RBM20: variants seen among roughly 807,000 people sequenced by gnomAD.
The protein encoded by RBM20 is RNA-binding protein 20.
RBM20 carries 51 observed loss-of-function variants against 110.1 expected under a neutral mutation model. The observed-to-expected ratio is 0.46, with a 90% CI of 0.37 to 0.59. The LOEUF is 0.59. Ranked by LOEUF, RBM20 falls within the 20% of genes least tolerant of loss-of-function variation. The pLI is 0.00. For synonymous variants in RBM20, 589 were observed against 618.2 expected (o/e 0.95, Z 0.70); for missense variants, 1,512 against 1,574.9 (o/e 0.96, Z 0.68).
At chr10:110,686,505 G>T (rs1395588724) in intron 1 of RBM20, among the ~76,000 whole-genome samples, 1 of 152,072 alleles carries the variant, frequency 6.6e-6, no homozygotes, top group Non-Finnish European at 1.5e-5. Context: ...CACGCCTGTA[G>T]TCCCAGCTAC....
At chr10:110,680,110 G>A (rs997904700) in intron 1 of RBM20, among the ~76,000 whole-genome samples, 4 of 152,144 alleles carry the variant, frequency 2.6e-5, no homozygotes, top group Non-Finnish European at 5.9e-5. Flanking sequence ...TGGCATTAGA[G>A]CCGGGAGCCG....
At chr10:110,697,331 A>C (rs776893608) in intron 1 of RBM20, among the ~76,000 whole-genome samples, 11 of 152,276 alleles carry the variant, frequency 7.2e-5, no homozygotes, top group Non-Finnish European at 1.5e-4. Flanking sequence ...CACTTTTGTT[A>C]CTTGCCTGGC....
chr10:110,769,477 ATCTATG>A (rs1590666785), intron 1 of RBM20, among the ~76,000 whole-genome samples: 1 of 152,150 alleles, frequency 6.6e-6, no homozygotes, highest in East Asian at 1.9e-4. Flanking sequence ...TCACTCAACC[ATCTATG>A]TTACCTAAGG....
intron 1 of RBM20, among the ~76,000 whole-genome samples, chr10:110,706,130 T>C (rs760816293): frequency 5.3e-5 from 8 of 152,148 alleles, no homozygotes; most frequent in African/African-American, 7.2e-5. Flanking sequence ...TGACTTTTAG[T>C]AGTTTTATTC....
In RBM20 at chr10:110,812,319, G is replaced by A. The variant is rs143785916; in HGVS notation, c.1922G>A (p.Arg641Gln). The change falls in exon 9 of 14, where the codon CGG (arginine) becomes CAG (glutamine). Residue 641 changes from arginine to glutamine, a missense_variant. By Grantham distance (43) the Arg-to-Gln change is conservative. This residue lies in a region of RBM20 where 1,149 missense variants were observed against 1,169.4 expected (regional missense o/e 0.98). Coordinates refer to ENST00000369519, the MANE Select transcript of RBM20 (RefSeq NM_001134363.3). ...CCGCGGTCTCGTAGTCCGGTGAGCCGGTCACTCTCCCCGAGGTCCCACACT... is the reference window on the plus strand; with the variant it reads ...CCGCGGTCTCGTAGTCCGGTGAGCCAGTCACTCTCCCCGAGGTCCCACACT... ...ERPRSRSPVSRSLSPRSHTPS... is the reference protein window; with the variant it reads ...ERPRSRSPVSQSLSPRSHTPS... The A allele has an allele frequency of 1.1e-4, 178 of 1,550,888 alleles. No individual in the cohort carries two copies. The East Asian group carries it at 3.8e-3, about 33-fold the overall frequency.
Position 110,765,099 on chromosome 10 carries a change from A to C in RBM20, c.192-15702A>C, listed in dbSNP as rs562565228. Among the ~76,000 whole-genome samples, 2 of 152,158 alleles carry C rather than the reference A, an allele frequency of 1.3e-5. 1 individual carries two copies. The highest frequency in any genetic ancestry group is 4.1e-4 in the South Asian group (2 of 4,830). ...GCGATCCTAATGTCAGGAAGTCTAG[A>C]TGCTCTTTTTACGCTGGTTACTAAA... On this transcript the variant is annotated intron_variant, in intron 1 of 13. Transcript: ENST00000369519.
intron 5 of RBM20, among the ~76,000 whole-genome samples, chr10:110,794,856 G>T (rs987603377): frequency 5.3e-5 from 8 of 152,326 alleles, no homozygotes; most frequent in African/African-American, 1.9e-4. Context: ...CAGCTGCGAG[G>T]TTGTTTTTTC....
intron 1 of RBM20, among the ~76,000 whole-genome samples, chr10:110,672,530 C>A (rs1473773092): frequency 6.6e-6 from 1 of 152,226 alleles, no homozygotes; most frequent in Non-Finnish European, 1.5e-5. Flanking sequence ...GCCCCCGGGG[C>A]GGTGCGCCGC....
rs566078905 is a variant in RBM20, at chr10:110,740,866, G to A, written c.192-39935G>A. Among the ~76,000 whole-genome samples, 6 of 152,274 alleles carry A rather than the reference G, an allele frequency of 3.9e-5. No homozygotes were observed. The South Asian group carries it at 1.2e-3, about 32-fold the overall frequency. On this transcript the variant is annotated intron_variant, in intron 1 of 13. Coordinates refer to ENST00000369519, the MANE Select transcript of RBM20 (RefSeq NM_001134363.3). ...AGTACAGAAGAGGATGCAGAAGTTA[G>A]CTGGATCCAGATGCTGGATCTCCAA...
intron 1 of RBM20, among the ~76,000 whole-genome samples, chr10:110,728,876 G>A (rs916300791): frequency 1.3e-5 from 2 of 152,166 alleles, no homozygotes; most frequent in Non-Finnish European, 2.9e-5. Flanking sequence ...GAGCGATGCT[G>A]CTCTGTTTAT....
Position 110,781,761 on chromosome 10 carries a change from G to A in RBM20, c.1152G>A (p.Glu384=), listed in dbSNP as rs1389205091. ...TCGGTGCTGGGCGGAGGGCCAAGGA[G>A]GACCAGGCGTTGCTATCTGTGCGGC... ...GFIGAGRRAK[E]DQALLSVRPL... is the part of the protein sequence containing the mutation. The change falls in exon 2 of 14, where the codon GAG becomes GAA. Residue 384 remains glutamate (E), a synonymous_variant. Coordinates refer to ENST00000369519, the MANE Select transcript of RBM20 (RefSeq NM_001134363.3). 6.4e-7 allele frequency: 1 copy of A among 1,551,854 alleles called. No individual in the cohort carries two copies. Among genetic ancestry groups the A allele is most frequent in the Admixed American group, 2.0e-5 (1 of 51,014 alleles).
At chr10:110,703,933 G>A (rs900245726) in intron 1 of RBM20, among the ~76,000 whole-genome samples, 3 of 152,154 alleles carry the variant, frequency 2.0e-5, no homozygotes, top group East Asian at 1.9e-4. Context: ...CCAATATGGC[G>A]AAACACCATC....
chr10:110,689,696 C>T (rs929211934), intron 1 of RBM20, among the ~76,000 whole-genome samples: 3 of 152,106 alleles, frequency 2.0e-5, no homozygotes, highest in African/African-American at 7.2e-5. Context: ...GCTTCTAGTC[C>T]CACAGTGTAG....
At chr10:110,733,563 TCTGTACC>T (rs1260754462) in intron 1 of RBM20, among the ~76,000 whole-genome samples, 1 of 152,264 alleles carries the variant, frequency 6.6e-6, no homozygotes, top group Non-Finnish European at 1.5e-5. Flanking sequence ...TCCTTGGGGT[TCTGTACC>T]CTGATTGAGG....
chr10:110,724,828 T>C (rs535172636), intron 1 of RBM20, among the ~76,000 whole-genome samples: 25 of 152,226 alleles, frequency 1.6e-4, no homozygotes, highest in Admixed American at 1.4e-3. Context: ...GTGTACCAGG[T>C]TTCTTGAGGC....
intron 1 of RBM20, among the ~76,000 whole-genome samples, chr10:110,747,531 T>C (rs1843797192): frequency 6.6e-6 from 1 of 152,218 alleles, no homozygotes; most frequent in Non-Finnish European, 1.5e-5. Context: ...GGCTCTGCCC[T>C]TTACTACTCA....
chr10:110,655,580 G>T (rs558845100), intron 1 of RBM20, among the ~76,000 whole-genome samples: 1 of 152,168 alleles, frequency 6.6e-6, no homozygotes, highest in Non-Finnish European at 1.5e-5. Context: ...AATGATTAAA[G>T]TGTCCAAGGC....
intron 1 of RBM20, among the ~76,000 whole-genome samples, chr10:110,680,242 G>T (rs1862403507): frequency 6.6e-6 from 1 of 152,152 alleles, no homozygotes; most frequent in Non-Finnish European, 1.5e-5. Context: ...TTTGCTCCTT[G>T]GATGTGTTGC....
chr10:110,680,941 T>A (rs188645073), intron 1 of RBM20, among the ~76,000 whole-genome samples: 1 of 152,370 alleles, frequency 6.6e-6, no homozygotes, highest in Admixed American at 6.5e-5. Context: ...TTCTTCAGTC[T>A]GTCTCTTATT....
Sources: allele counts gnomAD v4.1 joint callset (sites outside exome capture counted in the v4.1 genomes callset), GRCh38; gene constraint gnomAD v4.1.1; regional missense constraint gnomAD v4.1.1; transcripts MANE v1.5; gene names NCBI Gene and HGNC (gene_info 2026-07-23, HGNC 2026-07-21).